MCTP2: variants seen among roughly 807,000 people sequenced by gnomAD.
MCTP2 encodes the protein multiple C2 and transmembrane domain-containing protein 2.
MCTP2 carries 132 observed loss-of-function variants against 111.6 expected under a neutral mutation model. That is an observed-to-expected ratio of 1.18 (90% CI 1.03 to 1.37). The LOEUF (loss-of-function observed/expected upper bound fraction) is 1.37. Among genes scored for constraint, MCTP2 ranks in the 40% most tolerant of loss-of-function variants. The pLI is 0.00. For missense variants in MCTP2, 1,183 were observed against 1,067.9 expected, an observed-to-expected ratio of 1.11 and a Z score of -1.50; for synonymous variants, 395 against 387.7, an observed-to-expected ratio of 1.02 and a Z score of -0.22.
Position 94,257,566 on chromosome 15 carries a change from G to GTTTTTTTTTTTTTTTT in MCTP2, c.-66+25904_-66+25905insTTTTTTTTTTTTTTTT, listed in dbSNP as rs1220635423. Among the ~76,000 whole-genome samples, 6 of 73,004 alleles carry GTTTTTTTTTTTTTTTT rather than the reference G, an allele frequency of 8.2e-5. 1 individual carries two copies. The highest frequency in any genetic ancestry group is 1.6e-4 in the Non-Finnish European group (6 of 37,388). The allele number at this position is 73,004 out of a possible 152,430, so 47.9% of individuals were successfully genotyped here. A position where few individuals can be genotyped will look rare whatever the true frequency, so the allele number is the denominator to read the frequency against. On this transcript the variant is annotated intron_variant, in intron 1 of 22. Coordinates refer to ENST00000357742, the MANE Select transcript of MCTP2 (RefSeq NM_001385001.1). ...AAAAATATTTGTTGTCATTTTCTTT[G>GTTTTTTTTTTTTTTTT]TTGTTTTTTTTTTTTTTTTTTTTTT...
intron 19 of MCTP2, among the ~76,000 whole-genome samples, chr15:94,455,377 C>A (rs2084754606): frequency 6.6e-6 from 1 of 151,740 alleles, no homozygotes; most frequent in Non-Finnish European, 1.5e-5. Flanking sequence ...AGAATATTGT[C>A]CATGTACCAC....
At chr15:94,364,044 T>C (rs1213852926) in intron 10 of MCTP2, among the ~76,000 whole-genome samples, 1 of 141,022 alleles carries the variant, frequency 7.1e-6, no homozygotes, top group African/African-American at 2.7e-5. Context: ...TCTTGAGCTG[T>C]CGTGAGTTAA....
At chr15:94,392,780 C>T (rs1463070245) in intron 14 of MCTP2, among the ~76,000 whole-genome samples, 2 of 152,024 alleles carry the variant, frequency 1.3e-5, no homozygotes, top group African/African-American at 2.4e-5. Flanking sequence ...CACGCCACTG[C>T]ACTCCAGCCT....
Position 94,390,214 on chromosome 15 carries a change from G to GA in MCTP2, c.1788+4694dup, listed in dbSNP as rs563155364. The stretch of plus-strand genomic sequence containing the variant: ...TTTCATTTGTCTTCAATCTTTTTCA[G>GA]AAAAATAGTTCTTTATATAGATATA... On this transcript the variant is annotated intron_variant, in intron 14 of 22. Transcript: ENST00000357742. Among the ~76,000 whole-genome samples the GA allele has an allele frequency of 4.6e-3, 696 of 150,524 alleles. 10 individuals carry two copies. The highest frequency in any genetic ancestry group is 0.016 in the African/African-American group (658 of 40,770).
intron 1 of MCTP2, among the ~76,000 whole-genome samples, chr15:94,277,659 G>T (rs2152308822): frequency 6.6e-6 from 1 of 152,250 alleles, no homozygotes; most frequent in Admixed American, 6.5e-5. Flanking sequence ...GCTACCAGAG[G>T]TTCAGGGGGA....
Position 94,257,569 on chromosome 15 carries a change from G to GTTTTTTTTTTTTTTTTTTTTTTTTTTT in MCTP2, c.-66+25914_-66+25940dup, listed in dbSNP as rs760633548. On this transcript the variant is annotated intron_variant, in intron 1 of 22. Coordinates refer to ENST00000357742, the MANE Select transcript of MCTP2 (RefSeq NM_001385001.1). ...AATATTTGTTGTCATTTTCTTTGTTGTTTTTTTTTTTTTTTTTTTTTTTTT... is the reference window on the plus strand; with the variant it reads ...AATATTTGTTGTCATTTTCTTTGTTGTTTTTTTTTTTTTTTTTTTTTTTTTTTTTTTTTTTTTTTTTTTTTTTTTTTT... Among the ~76,000 whole-genome samples the GTTTTTTTTTTTTTTTTTTTTTTTTTTT allele has an allele frequency of 1.0e-3, 34 of 33,812 alleles. 10 individuals carry two copies. Among genetic ancestry groups the GTTTTTTTTTTTTTTTTTTTTTTTTTTT allele is most frequent in the African/African-American group, 1.8e-3 (15 of 8,282 alleles). 22.2% of individuals were successfully genotyped at this position (33,812 alleles called of 152,430 possible).
chr15:94,347,674 T>C (rs1425165841), intron 8 of MCTP2, among the ~76,000 whole-genome samples: 1 of 152,244 alleles, frequency 6.6e-6, no homozygotes, highest in South Asian at 2.1e-4. Context: ...GTATTTACTA[T>C]ATACAATCTT....
chr15:94,350,882 A>ATT (rs531400790), intron 8 of MCTP2, among the ~76,000 whole-genome samples: 1 of 148,228 alleles, frequency 6.7e-6, no homozygotes, highest in South Asian at 2.1e-4. Context: ...TTATCTCTTC[A>ATT]TTTTTTTTTT....
intron 2 of MCTP2, among the ~76,000 whole-genome samples, chr15:94,302,996 A>G (rs1337753429): frequency 2.7e-5 from 4 of 150,644 alleles, no homozygotes; most frequent in African/African-American, 9.8e-5. Flanking sequence ...GCAGCCAGCA[A>G]AGGGAGAGAG....
chr15:94,430,392 ATCACACAC>A (rs1567690187), intron 17 of MCTP2, among the ~76,000 whole-genome samples: 1 of 50,384 alleles, frequency 2.0e-5, no homozygotes, highest in Non-Finnish European at 3.8e-5. Context: ...CCCAAAAACA[ATCACACAC>A]ACACACACAC....
At position 94,340,923 on chromosome 15, in the gene MCTP2, A is replaced by G. The variant is rs938880746; in HGVS notation, c.968A>G (p.His323Arg). The G allele has an allele frequency of 1.9e-6, 3 of 1,572,742 alleles. No homozygotes were observed. The highest frequency in any genetic ancestry group is 1.8e-6 in the Non-Finnish European group (2 of 1,142,578). The change falls in exon 7 of 23, where the codon CAC becomes CGC. Residue 323 changes from histidine to arginine, a missense_variant and splice_region_variant. Physicochemically the swap from His to Arg is conservative, Grantham distance 29. Transcript: ENST00000357742. ...GTAAAACAGGGTGATTTCAAGAGACACGTAAGTGGGACCTTCTATTCTTTT... is the reference window on the plus strand; with the variant it reads ...GTAAAACAGGGTGATTTCAAGAGACGCGTAAGTGGGACCTTCTATTCTTTT... The part of the protein sequence containing the change: ...LVVKQGDFKR[H>R]RWSNRKRLSA...
chr15:94,314,483 C>A, intron 3 of MCTP2, 139 bp downstream of exon 3: 2 of 653,340 alleles, frequency 3.1e-6, no homozygotes, highest in Non-Finnish European at 5.3e-6. Context: ...CAAAACCAGG[C>A]CTTGCAAATT....
intron 4 of MCTP2, among the ~76,000 whole-genome samples, chr15:94,327,732 A>C (rs993101500): frequency 4.4e-4 from 67 of 152,162 alleles, no homozygotes; most frequent in African/African-American, 1.6e-3. Flanking sequence ...GAGTTTTAAA[A>C]TGGTTTCTGT....
At chr15:94,457,374 T>C (rs899088292) in intron 19 of MCTP2, among the ~76,000 whole-genome samples, 8 of 152,132 alleles carry the variant, frequency 5.3e-5, no homozygotes, top group African/African-American at 1.9e-4. Flanking sequence ...ACATGTAAGG[T>C]TTTCTATAAG....
intron 19 of MCTP2, among the ~76,000 whole-genome samples, chr15:94,448,144 A>G (rs963891174): frequency 2.6e-5 from 4 of 152,202 alleles, no homozygotes; most frequent in African/African-American, 9.6e-5. Flanking sequence ...ACTTGCTTAA[A>G]TATTCTTTTT....
At chr15:94,253,079 T>C (rs2072548056) in intron 1 of MCTP2, among the ~76,000 whole-genome samples, 1 of 152,168 alleles carries the variant, frequency 6.6e-6, no homozygotes, top group Admixed American at 6.5e-5. Flanking sequence ...TTGCAATTGT[T>C]GCTTACTCCT....
chr15:94,357,780 T>G (rs529653862), intron 9 of MCTP2, among the ~76,000 whole-genome samples: 40 of 152,352 alleles, frequency 2.6e-4, no homozygotes, highest in African/African-American at 9.4e-4. Context: ...TCACTTTGTA[T>G]TCACATATTT....
intron 9 of MCTP2, 94 bp from the exon 10 acceptor site, chr15:94,358,388 A>G: frequency 8.5e-7 from 1 of 1,183,128 alleles, no homozygotes; most frequent in Non-Finnish European, 1.2e-6. Context: ...CATCATCTTG[A>G]CCCTCTGCAG....
chr15:94,470,243 T>C (rs2152539958), intron 20 of MCTP2, 90 bp from the exon 21 acceptor site: 1 of 1,015,922 alleles, frequency 9.8e-7, no homozygotes, highest in East Asian at 2.5e-5. Flanking sequence ...AAAATTTCTA[T>C]AATTATGAAC....
Sources: gnomAD v4.1 joint callset for allele counts (sites outside exome capture counted in the v4.1 genomes callset) on GRCh38, gnomAD v4.1.1 for gene constraint, MANE v1.5 for transcripts, NCBI Gene and HGNC (gene_info 2026-07-23, HGNC 2026-07-21) for gene names.